The following VPS37A variants were observed in gnomAD, a reference collection of about 807,000 sequenced individuals.
VPS37A encodes the protein vacuolar protein sorting-associated protein 37A.
Under a neutral mutation model 49.8 loss-of-function variants are expected in VPS37A, and 30 were observed. The ratio of observed to expected loss-of-function variants is 0.60; its 90% CI spans 0.45 to 0.82. The LOEUF is 0.82. VPS37A is among the 40% of genes least tolerant of loss of function. VPS37A has a pLI of 0.00. For missense variants in VPS37A, 593 were observed against 464.4 expected (o/e 1.28, Z -2.55); for synonymous variants, 195 against 160.6 (o/e 1.21, Z -1.62).
At chr8:17,287,626 C>G (rs1431096802) in intron 11 of VPS37A, among the ~76,000 whole-genome samples, 1 of 151,640 alleles carries the variant, frequency 6.6e-6, no homozygotes, top group Non-Finnish European at 1.5e-5. Flanking sequence ...TGCAGTGAGC[C>G]GAGATCACGC....
downstream of VPS37A, chr8:17,299,896 C>T (rs1283486185): frequency 3.7e-6 from 6 of 1,613,994 alleles, no homozygotes; most frequent in East Asian, 4.5e-5. Flanking sequence ...ATCAGAATCC[C>T]GGTCCTTGCC....
At chr8:17,309,367 C>A in the VPS37A span, 47 of 1,358,534 alleles carry the variant, frequency 3.5e-5, no homozygotes, top group Non-Finnish European at 4.3e-5. Context: ...GAGAAGCAAA[C>A]GAAAAATAAG....
chr8:17,304,538 G>C (rs747436400), downstream of VPS37A: 5 of 1,606,806 alleles, frequency 3.1e-6, no homozygotes, highest in South Asian at 4.4e-5. Flanking sequence ...AAGAAAATAA[G>C]TCTATAAATG....
rs577777386 is a variant in VPS37A at position 17,249,175 on chromosome 8, C to A, written c.125+1806C>A. 2.0e-5 allele frequency among the ~76,000 whole-genome samples: 3 copies of A among 152,058 alleles called. 1 individual carries two copies. In the South Asian group the frequency reaches 6.2e-4, roughly 32 times the overall value. On this transcript the variant is annotated intron_variant, in intron 1 of 11. Coordinates refer to ENST00000324849, the MANE Select transcript of VPS37A (RefSeq NM_152415.3). ...AGGTTGGAGTTTAATTTTTTAAATACTACAAAGTCTCTTGCTGCTAAGGCT... is the reference window on the plus strand; with the variant it reads ...AGGTTGGAGTTTAATTTTTTAAATAATACAAAGTCTCTTGCTGCTAAGGCT...
intron 9 of VPS37A, among the ~76,000 whole-genome samples, chr8:17,283,535 A>C (rs1218316933): frequency 6.6e-6 from 1 of 152,176 alleles, no homozygotes; most frequent in Non-Finnish European, 1.5e-5. Flanking sequence ...GTATTTAAGT[A>C]AGGTAAGGGT....
At chr8:17,319,911 C>T in the VPS37A span, among the ~76,000 whole-genome samples, 1 of 152,134 alleles carries the variant, frequency 6.6e-6, no homozygotes, top group Non-Finnish European at 1.5e-5. Context: ...TGCCCTAATA[C>T]AGGACTCACT....
At chr8:17,331,053 C>G in the VPS37A span, 1 of 1,403,016 alleles carries the variant, frequency 7.1e-7, no homozygotes, top group Non-Finnish European at 9.7e-7. Flanking sequence ...ATTATCACAC[C>G]TATGTAAAAA....
intron 11 of VPS37A, 124 bp downstream of exon 11, chr8:17,286,551 T>C (rs557420603): frequency 2.7e-6 from 2 of 736,700 alleles, no homozygotes; most frequent in Non-Finnish European, 4.4e-6. Context: ...TACTGTGCTA[T>C]GTAACATAGA....
downstream of VPS37A, chr8:17,302,274 C>T: frequency 6.2e-7 from 1 of 1,612,850 alleles, no homozygotes; most frequent in Non-Finnish European, 8.5e-7. Context: ...ACATTCCACT[C>T]CAAAACCTGG....
intron 9 of VPS37A, 23 bp from the exon 10 acceptor site, chr8:17,284,450 T>C: frequency 1.3e-6 from 2 of 1,552,614 alleles, no homozygotes; most frequent in Non-Finnish European, 1.7e-6. Flanking sequence ...TAAATTAAAG[T>C]AGTGCCTGAT....
At chr8:17,307,123 T>G (rs1563317967), downstream of VPS37A, among the ~76,000 whole-genome samples, 2 of 151,572 alleles carry the variant, frequency 1.3e-5, no homozygotes, top group African/African-American at 2.4e-5. Context: ...TGGGAGAAAA[T>G]TTTTGCAACC....
At chr8:17,308,071 AG>A in the VPS37A span, among the ~76,000 whole-genome samples, 11 of 151,348 alleles carry the variant, frequency 7.3e-5, no homozygotes, top group Admixed American at 7.2e-4. Context: ...AAAATGAGGA[AG>A]AAAAAAATAA....
At chr8:17,304,292 G>GT, downstream of VPS37A, 1 of 1,440,578 alleles carries the variant, frequency 6.9e-7, no homozygotes, top group Non-Finnish European at 9.6e-7. Context: ...TCAAAGATCA[G>GT]TGTCATACAC....
At chr8:17,271,638 C>G (rs937364425) in intron 4 of VPS37A, among the ~76,000 whole-genome samples, 1 of 151,984 alleles carries the variant, frequency 6.6e-6, no homozygotes, top group African/African-American at 2.4e-5. Context: ...TCTTATGAAT[C>G]CTTTTTCATT....
downstream of VPS37A, chr8:17,304,603 CTAA>C (rs1817331011): frequency 2.1e-6 from 3 of 1,436,332 alleles, no homozygotes; most frequent in Admixed American, 3.8e-5. Context: ...TGGAAAGGAA[CTAA>C]TAATTGTTAC....
Position 17,284,469 on chromosome 8 carries a change from T to C in VPS37A, c.970-4T>C. On this transcript the variant is annotated splice_polypyrimidine_tract_variant and splice_region_variant and intron_variant, in intron 9 of 11. Transcript: ENST00000324849. ...TTAAAGTAGTGCCTGATTTTCTTTT[T>C]CAGAGCTGTAGTGCAAGTGCCCTTC... is the stretch of plus-strand genomic sequence containing the variant. 3 of 1,556,940 alleles carry C rather than the reference T, an allele frequency of 1.9e-6. No homozygotes were observed. Among genetic ancestry groups the C allele is most frequent in the Non-Finnish European group, 2.6e-6 (3 of 1,162,108 alleles).
chr8:17,261,461 G>A (rs1446254958), intron 1 of VPS37A, among the ~76,000 whole-genome samples: 4 of 152,164 alleles, frequency 2.6e-5, no homozygotes, highest in Non-Finnish European at 5.9e-5. Context: ...TCTCATTAGG[G>A]TCAGTCATTT....
In VPS37A at chr8:17,246,994, C is replaced by A. The variant is rs571153585; in HGVS notation, c.-251C>A. The A allele has an allele frequency of 2.9e-5, 15 of 525,200 alleles. No individual in the cohort carries two copies. The highest frequency in any genetic ancestry group is 1.4e-4 in the African/African-American group (7 of 50,608). 32.5% of individuals were successfully genotyped at this position (525,200 alleles called of 1,614,324 possible). A position where few individuals can be genotyped will look rare whatever the true frequency, so the allele number is the denominator to read the frequency against. ...AGGCTCCCTGGCTGGCCGGTTTGGG[C>A]GTCTGGGCCGTGAAGGTGGGACCTC... On this transcript the variant is annotated 5_prime_UTR_variant, in exon 1 of 12. Transcript: ENST00000324849.
At chr8:17,299,542 A>C (rs148148752), downstream of VPS37A, 1 of 235,018 alleles carries the variant, frequency 4.3e-6, no homozygotes, top group African/African-American at 2.2e-5. Flanking sequence ...TGAGAGATGC[A>C]TGCTATGACA....
Sources: allele counts gnomAD v4.1 joint callset (sites outside exome capture counted in the v4.1 genomes callset), GRCh38; gene constraint gnomAD v4.1.1; transcripts MANE v1.5; gene names NCBI Gene and HGNC (gene_info 2026-07-23, HGNC 2026-07-21).